The following USF3 variants were observed in gnomAD, a reference collection of about 807,000 sequenced individuals.
The protein encoded by USF3 is basic helix-loop-helix domain-containing protein USF3.
In USF3, 29 loss-of-function variants were observed where a neutral mutation model predicts 157.5. The observed-to-expected ratio is 0.18, with a 90% CI of 0.14 to 0.25. The LOEUF is 0.25. Ranked by LOEUF, USF3 falls within the 10% of genes least tolerant of loss-of-function variation. The pLI, the probability that USF3 is intolerant of heterozygous loss-of-function variation, is 1.00. For missense variants in USF3, 2,381 were observed against 2,667.6 expected (o/e 0.89, Z 2.37); for synonymous variants, 893 against 941.4 (o/e 0.95, Z 0.94).
intron 3 of USF3, among the ~76,000 whole-genome samples, chr3:113,674,438 G>A (rs766555649): frequency 2.6e-5 from 4 of 152,008 alleles, no homozygotes; most frequent in Non-Finnish European, 4.4e-5. Flanking sequence ...TGCCTCCCAG[G>A]TTCAAGCAAT....
intron 5 of USF3, among the ~76,000 whole-genome samples, chr3:113,668,169 C>T (rs1422898194): frequency 1.3e-5 from 2 of 152,108 alleles, no homozygotes; most frequent in Non-Finnish European, 2.9e-5. Flanking sequence ...AGCTGGATGA[C>T]TTTCCCTTCC....
chr3:113,650,524 GCCTA>G lies in USF3; in HGVS notation c.*4416_*4419del, dbSNP rs1947244294. Reference sequence around the variant, plus strand: ...ATGGAGCAGATGGAAGAGCATAAGTGCCTACCTATCAAAGGGAAGATAAAGCTAA... The same window carrying G: ...ATGGAGCAGATGGAAGAGCATAAGTGCCTATCAAAGGGAAGATAAAGCTAA... On this transcript the variant is annotated 3_prime_UTR_variant, in exon 7 of 7. Coordinates refer to ENST00000316407, the MANE Select transcript of USF3 (RefSeq NM_001009899.4). The G allele has an allele frequency of 2.6e-5, 4 of 152,062 alleles. No individual in the cohort carries two copies. The highest frequency in any genetic ancestry group is 2.6e-4 in the Admixed American group (4 of 15,260). 9.4% of individuals were successfully genotyped at this position (152,062 alleles called of 1,614,324 possible).
chr3:113,661,074 G>C lies in USF3; in HGVS notation c.608C>G (p.Pro203Arg), dbSNP rs752061484. ...CTGATGCCATGGCTTGTTTTCAGAA[G>C]GGTAAACTCCAGAAATAGATACAGG... Reference protein sequence around the residue: ...VTPVSISGVYPSENKPWHQTT... With the variant: ...VTPVSISGVYRSENKPWHQTT... The change falls in exon 7 of 7, where the codon CCT becomes CGT. Residue 203 changes from proline (P) to arginine (R), a missense_variant. Pro to Arg is a moderately radical substitution (Grantham distance 103). Around this residue, in one of 6 missense-constraint regions of USF3, gnomAD observed 1,435 missense variants for 1,550.9 expected, o/e 0.93. Transcript: ENST00000316407. The C allele has an allele frequency of 2.5e-6, 4 of 1,614,184 alleles. No homozygotes were observed. The South Asian group carries it at 4.4e-5, about 18-fold the overall frequency.
At position 113,651,000 on chromosome 3, in the gene USF3, A is replaced by C. The variant is rs572665502; in HGVS notation, c.*3944T>G. ...ACAACATATAAGCCATCCCAGAGCA[A>C]CTTGTGTTTTCCAAAAAAAAGAAAG... On this transcript the variant is annotated 3_prime_UTR_variant, in exon 7 of 7. Coordinates refer to ENST00000316407, the MANE Select transcript of USF3 (RefSeq NM_001009899.4). 3 of 152,336 alleles carry C rather than the reference A, an allele frequency of 2.0e-5. No homozygotes were observed. The East Asian group carries it at 5.8e-4, about 29-fold the overall frequency. The allele number at this position is 152,336 out of a possible 1,614,324, so 9.4% of individuals were successfully genotyped here. A position where few individuals can be genotyped will look rare whatever the true frequency, so the allele number is the denominator to read the frequency against.
Position 113,658,847 on chromosome 3 carries a change from A to G in USF3, c.2835T>C (p.Ile945=), listed in dbSNP as rs369326066. ...AKPCASANVL[I]PSPSDPHILV... ...AAATGTGAGGATCACTTGGAGATGG[A>G]ATCAATACATTGGCTGAAGCGCAGG... Residue 945 remains isoleucine (I), a synonymous_variant, in exon 7 of 7, where the codon ATT becomes ATC. Coordinates refer to ENST00000316407, the MANE Select transcript of USF3 (RefSeq NM_001009899.4). 7.3e-5 allele frequency: 118 copies of G among 1,614,180 alleles called. 1 individual carries two copies. In the African/African-American group the frequency reaches 1.3e-3, roughly 17 times the overall value.
At chr3:113,662,615 A>G (rs1947503814) in intron 6 of USF3, among the ~76,000 whole-genome samples, 1 of 152,226 alleles carries the variant, frequency 6.6e-6, no homozygotes, top group Non-Finnish European at 1.5e-5. Context: ...GTCCACGGAC[A>G]GTAGAAATTA....
chr3:113,652,108 A>ACAGAGAGAGAGAGTGTGTGTGTGT lies in USF3; in HGVS notation c.*2835_*2836insACACACACACACTCTCTCTCTCTG, dbSNP rs1947271038. 1 of 141,978 alleles carries ACAGAGAGAGAGAGTGTGTGTGTGT rather than the reference A, an allele frequency of 7.0e-6. No homozygotes were observed. The highest frequency in any genetic ancestry group is 2.6e-5 in the African/African-American group (1 of 38,276). 8.8% of individuals were successfully genotyped at this position (141,978 alleles called of 1,614,324 possible). A position where few individuals can be genotyped will look rare whatever the true frequency, so the allele number is the denominator to read the frequency against. ...TGGAGAGAGAGAGAGAGAGAGAGAG[A>ACAGAGAGAGAGAGTGTGTGTGTGT]GTGTGTGTGTGTGTGTGTGTGTGTG... On this transcript the variant is annotated 3_prime_UTR_variant, in exon 7 of 7. Transcript: ENST00000316407.
rs568458491 is a variant in USF3 at position 113,660,587 on chromosome 3, C to G, written c.1095G>C (p.Leu365Phe). 1 of 1,614,196 alleles carries G rather than the reference C, an allele frequency of 6.2e-7. No individual in the cohort carries two copies. The highest frequency in any genetic ancestry group is 1.3e-5 in the African/African-American group (1 of 75,058). Residue 365 changes from leucine (L) to phenylalanine (F), a missense_variant, in exon 7 of 7, where the codon TTG (leucine) becomes TTC (phenylalanine). Physicochemically the swap from Leu to Phe is conservative, Grantham distance 22. This residue lies in a region of USF3 where 1,435 missense variants were observed against 1,550.9 expected (regional missense o/e 0.93). Coordinates refer to ENST00000316407, the MANE Select transcript of USF3 (RefSeq NM_001009899.4). Reference sequence around the variant, plus strand: ...ATGCCACCACTGTAGCTGTACTTGTCAAGTCTGCACTCTTACTAATGCTCA... The same window carrying G: ...ATGCCACCACTGTAGCTGTACTTGTGAAGTCTGCACTCTTACTAATGCTCA... ...SPMSISKSAD[L>F]TSTATVVASS...
In USF3 at chr3:113,660,358, T is replaced by C. The variant is rs773294187; in HGVS notation, c.1324A>G (p.Thr442Ala). ...TWTTLQLAGN[T>A]IQPLSQTPSS... is the part of the protein sequence containing the mutation. ...GGTGTCTGGCTTAAGGGCTGAATAG[T>C]GTTTCCTGCCAGTTGCAAAGTAGTC... is the stretch of plus-strand genomic sequence containing the variant. Residue 442 changes from threonine (T) to alanine (A), a missense_variant, in exon 7 of 7, where the codon ACT (threonine) becomes GCT (alanine). By Grantham distance (58) the Thr-to-Ala change is moderately conservative (BLOSUM62 0). Coordinates refer to ENST00000316407, the MANE Select transcript of USF3 (RefSeq NM_001009899.4). The C allele has an allele frequency of 1.2e-6, 2 of 1,614,214 alleles. No homozygotes were observed. Among genetic ancestry groups the C allele is most frequent in the Admixed American group, 1.7e-5 (1 of 60,018 alleles).
chr3:113,682,919 C>G (rs1027874598), intron 1 of USF3, among the ~76,000 whole-genome samples: 1 of 138,822 alleles, frequency 7.2e-6, no homozygotes, highest in Non-Finnish European at 1.5e-5. Context: ...CCTTTTTAAT[C>G]CATTCAGCCA....
At position 113,649,197 on chromosome 3, in the gene USF3, C is replaced by T. The variant is rs1947217633; in HGVS notation, c.*5747G>A. 6.6e-6 allele frequency: 1 copy of T among 152,208 alleles called. No individual in the cohort carries two copies. Among genetic ancestry groups the T allele is most frequent in the Admixed American group, 6.5e-5 (1 of 15,278 alleles). 9.4% of individuals were successfully genotyped at this position (152,208 alleles called of 1,614,324 possible). A position where few individuals can be genotyped will look rare whatever the true frequency, so the allele number is the denominator to read the frequency against. Reference sequence around the variant, plus strand: ...TGTTAGTATGGTGTATAGCTGTATACACAACTGAGGGAAAGAAATTAAAGA... The same window carrying T: ...TGTTAGTATGGTGTATAGCTGTATATACAACTGAGGGAAAGAAATTAAAGA... On this transcript the variant is annotated 3_prime_UTR_variant, in exon 7 of 7. Transcript: ENST00000316407.
intron 4 of USF3, among the ~76,000 whole-genome samples, chr3:113,672,271 C>T (rs561430100): frequency 8.6e-5 from 13 of 151,554 alleles, no homozygotes; most frequent in African/African-American, 2.9e-4. Context: ...ATTACAGGCA[C>T]GCACCACCAT....
Position 113,657,325 on chromosome 3 carries a change from G to A in USF3, c.4357C>T (p.Leu1453Phe), listed in dbSNP as rs202178827. ...TTTATGTAGAGATGGTTACTATGAA[G>A]GTGAGATACACCTTGAGCTGGAACA... ...QHVPAQGVSH[L>F]HSNHLYIKQQ... is the part of the protein sequence containing the mutation. The change falls in exon 7 of 7, where the codon CTT becomes TTT. Residue 1453 changes from leucine to phenylalanine, a missense_variant. By Grantham distance (22) the Leu-to-Phe change is conservative (BLOSUM62 0). Around this residue, in one of 6 missense-constraint regions of USF3, gnomAD observed 1,435 missense variants for 1,550.9 expected, o/e 0.93. Transcript: ENST00000316407. 4.3e-6 allele frequency: 7 copies of A among 1,613,740 alleles called. No individual in the cohort carries two copies. Among genetic ancestry groups the A allele is most frequent in the Non-Finnish European group, 5.9e-6 (7 of 1,179,846 alleles).
At chr3:113,678,962 GTCTC>G (rs879335201) in intron 1 of USF3, among the ~76,000 whole-genome samples, 1 of 151,034 alleles carries the variant, frequency 6.6e-6, no homozygotes, top group Admixed American at 6.6e-5. Flanking sequence ...GTCCAGGCTG[GTCTC>G]TCTGTCTTAG....
chr3:113,658,891 A>G lies in USF3; in HGVS notation c.2791T>C (p.Leu931=), dbSNP rs765023644. The change falls in exon 7 of 7, where the codon TTA becomes CTA. Residue 931 remains leucine, a synonymous_variant. Coordinates refer to ENST00000316407, the MANE Select transcript of USF3 (RefSeq NM_001009899.4). ...SQDKPPSSLA[L]SDAAKPCASA... is the part of the protein sequence containing the mutation. Reference sequence around the variant, plus strand: ...GCGCAGGGTTTGGCAGCATCTGATAATGCTAAACTACTTGGTGGTTTATCC... The same window carrying G: ...GCGCAGGGTTTGGCAGCATCTGATAGTGCTAAACTACTTGGTGGTTTATCC... 6.2e-7 allele frequency: 1 copy of G among 1,614,230 alleles called. No individual in the cohort carries two copies. Among genetic ancestry groups the G allele is most frequent in the South Asian group, 1.1e-5 (1 of 91,088 alleles).
chr3:113,663,372 CA>C (rs1947516310), intron 6 of USF3, among the ~76,000 whole-genome samples: 2 of 152,190 alleles, frequency 1.3e-5, no homozygotes, highest in Admixed American at 6.5e-5. Context: ...TGGAGTACCT[CA>C]AATGGTTACT....
chr3:113,667,714 A>G (rs1202028022), intron 5 of USF3, among the ~76,000 whole-genome samples: 2 of 152,094 alleles, frequency 1.3e-5, no homozygotes, highest in African/African-American at 4.8e-5. Flanking sequence ...TAAAAATACA[A>G]AAATTAGCCT....
In USF3 at chr3:113,688,761, C is replaced by CG. The variant is rs1707615910; in HGVS notation, c.-135+7608_-135+7609insC. 2.0e-5 allele frequency among the ~76,000 whole-genome samples: 3 copies of CG among 152,326 alleles called. No homozygotes were observed. In the South Asian group the frequency reaches 6.2e-4, roughly 32 times the overall value. On this transcript the variant is annotated intron_variant, in intron 1 of 6. Transcript: ENST00000316407. ...CTGCGGTCATTAATACAGATGCTGG[C>CG]TGGGCGCGGTGGCTCACGCCTGTAA...
At chr3:113,667,175 G>A (rs113444440) in intron 5 of USF3, among the ~76,000 whole-genome samples, 1 of 152,100 alleles carries the variant, frequency 6.6e-6, no homozygotes, top group African/African-American at 2.4e-5. Flanking sequence ...AACCCAGGAA[G>A]TTATTTACTA....
Sources: gnomAD v4.1 joint callset for allele counts (sites outside exome capture counted in the v4.1 genomes callset) on GRCh38, gnomAD v4.1.1 for gene constraint, gnomAD v4.1.1 regional missense constraint, MANE v1.5 for transcripts, NCBI Gene and HGNC (gene_info 2026-07-23, HGNC 2026-07-21) for gene names.